The following FARP1 variants were observed in gnomAD, a reference collection of about 807,000 sequenced individuals.
The protein encoded by FARP1 is FERM, ARH/RhoGEF and pleckstrin domain protein 1, also known as FERM, ARHGEF and pleckstrin domain-containing protein 1.
A neutral mutation model predicts 128.8 loss-of-function variants in FARP1; 52 were observed. The ratio of observed to expected loss-of-function variants is 0.40; its 90% confidence interval spans 0.32 to 0.51. The LOEUF (loss-of-function observed/expected upper bound fraction) is 0.51. Ranked by LOEUF, FARP1 falls within the 20% of genes least tolerant of loss-of-function variation. The probability of loss-of-function intolerance (pLI) is 0.45; values close to 1 mark genes in which losing one functional copy is unlikely to be tolerated. For missense variants in FARP1, 1,333 were observed against 1,367.9 expected (o/e 0.97, Z 0.40); for synonymous variants, 580 against 551.8 (o/e 1.05, Z -0.72).
chr13:98,178,803 A>C lies in FARP1; in HGVS notation c.-23-34417A>C, dbSNP rs544679195. 3.3e-5 allele frequency among the ~76,000 whole-genome samples: 5 copies of C among 152,362 alleles called. No homozygotes were observed. In the East Asian group the frequency reaches 9.6e-4, roughly 29 times the overall value. On this transcript the variant is annotated intron_variant, in intron 1 of 26. Coordinates refer to ENST00000319562, the MANE Select transcript of FARP1 (RefSeq NM_005766.4). Reference sequence around the variant, plus strand: ...AATGTGATGAATAAGCTTACAGTGTAAAGAACAATTCATCATTTGTCAGTT... The same window carrying C: ...AATGTGATGAATAAGCTTACAGTGTCAAGAACAATTCATCATTTGTCAGTT...
In FARP1 at chr13:98,409,469, C is replaced by G; in HGVS notation, c.1546C>G (p.Leu516Val). The change falls in exon 14 of 27, where the codon CTG (leucine) becomes GTG (valine). Residue 516 changes from leucine to valine, a missense_variant. Around this residue, in one of 2 missense-constraint regions of FARP1, gnomAD observed 1,009 missense variants for 969.8 expected, o/e 1.04. Transcript: ENST00000319562. ...GCAGGCCTCTCCCTTGATCAGCCCG[C>G]TGCTGAATGACCAGGCCTGCCCCCG... Reference protein sequence around the residue: ...TKQASPLISPLLNDQACPRTD... With the variant: ...TKQASPLISPVLNDQACPRTD... 1.2e-6 allele frequency: 2 copies of G among 1,614,054 alleles called. No homozygotes were observed. The highest frequency in any genetic ancestry group is 1.7e-6 in the Non-Finnish European group (2 of 1,179,996).
At chr13:98,309,266 ACG>A (rs1415495205) in intron 2 of FARP1, among the ~76,000 whole-genome samples, 3 of 132,848 alleles carry the variant, frequency 2.3e-5, no homozygotes, top group African/African-American at 8.7e-5. Context: ...TCCCGGGTTC[ACG>A]CCATTCTCCT....
chr13:98,395,579 G>A (rs1206495338), intron 13 of FARP1, 103 bp downstream of exon 13: 4 of 1,374,534 alleles, frequency 2.9e-6, no homozygotes, highest in Admixed American at 4.7e-5. Context: ...CAAGCGTCCC[G>A]ATCCCGGTCC....
chr13:98,448,040 G>C (rs779588324), intron 26 of FARP1, 196 bp from the exon 27 acceptor site: 61 of 602,312 alleles, frequency 1.0e-4, no homozygotes, highest in Non-Finnish European at 1.8e-4. Flanking sequence ...CACACTGAGT[G>C]AGTGCCCAGG....
chr13:98,440,918 G>C, intron 24 of FARP1, 82 bp downstream of exon 24: 2 of 1,409,140 alleles, frequency 1.4e-6, no homozygotes, highest in Non-Finnish European at 1.9e-6. Flanking sequence ...CCAGGGGCTT[G>C]AGGGAGGCTG....
chr13:98,314,023 C>G (rs1434119488), intron 2 of FARP1, among the ~76,000 whole-genome samples: 1 of 152,224 alleles, frequency 6.6e-6, no homozygotes. Flanking sequence ...CTACAGGTCC[C>G]TCTTGTGTAA....
intron 2 of FARP1, among the ~76,000 whole-genome samples, chr13:98,290,776 A>G (rs1206054452): frequency 6.6e-6 from 1 of 152,140 alleles, no homozygotes; most frequent in African/African-American, 2.4e-5. Context: ...GATCTCCTAA[A>G]GAATTGGGTA....
intron 2 of FARP1, chr13:98,244,508 C>G: frequency 6.2e-7 from 1 of 1,614,156 alleles, no homozygotes; most frequent in Non-Finnish European, 8.5e-7. Context: ...CCTCATCCTC[C>G]TTCCTCAAAG....
chr13:98,206,350 A>G (rs1880266214), intron 1 of FARP1, among the ~76,000 whole-genome samples: 1 of 152,050 alleles, frequency 6.6e-6, no homozygotes, highest in South Asian at 2.1e-4. Flanking sequence ...GCTTGCCTGT[A>G]TGGTTTCTCA....
chr13:98,293,487 C>CA (rs1311589073), intron 2 of FARP1, among the ~76,000 whole-genome samples: 1 of 152,158 alleles, frequency 6.6e-6, no homozygotes, highest in African/African-American at 2.4e-5. Context: ...TCTGAGGTAC[C>CA]AGGCTACATG....
chr13:98,369,629 C>T (rs2139980843), intron 5 of FARP1, among the ~76,000 whole-genome samples: 1 of 151,464 alleles, frequency 6.6e-6, no homozygotes, highest in Admixed American at 6.6e-5. Context: ...GGTTTTTTGT[C>T]CTTGCGATAG....
intron 2 of FARP1, among the ~76,000 whole-genome samples, chr13:98,266,303 T>G (rs572218351): frequency 6.6e-6 from 1 of 152,304 alleles, no homozygotes; most frequent in African/African-American, 2.4e-5. Context: ...CACATTCATT[T>G]TGGTGTCAAA....
chr13:98,261,467 A>C (rs1883877769), intron 2 of FARP1, among the ~76,000 whole-genome samples: 1 of 149,700 alleles, frequency 6.7e-6, no homozygotes, highest in Admixed American at 6.6e-5. Flanking sequence ...ACCAGATCAC[A>C]TTCCTCTCTA....
At chr13:98,179,655 G>A (rs960205029) in intron 1 of FARP1, among the ~76,000 whole-genome samples, 4 of 151,972 alleles carry the variant, frequency 2.6e-5, no homozygotes, top group Non-Finnish European at 5.9e-5. Flanking sequence ...ACGAGGTCAG[G>A]AGATCGAGAC....
rs569262969 is a variant in FARP1, at chr13:98,286,862, T to A, written c.172-56900T>A. On this transcript the variant is annotated intron_variant, in intron 2 of 26. Transcript: ENST00000319562. Reference sequence around the variant, plus strand: ...GGAAGAATAATAACAGAATTTTGGATTGATGGGCTTCAGGGATCCTTGCTG... The same window carrying A: ...GGAAGAATAATAACAGAATTTTGGAATGATGGGCTTCAGGGATCCTTGCTG... Among the ~76,000 whole-genome samples the A allele has an allele frequency of 2.6e-5, 4 of 152,336 alleles. No individual in the cohort carries two copies. In the East Asian group the frequency reaches 7.7e-4, roughly 29 times the overall value.
intron 1 of FARP1, among the ~76,000 whole-genome samples, chr13:98,188,826 A>G (rs1879051320): frequency 6.6e-6 from 1 of 152,206 alleles, no homozygotes; most frequent in African/African-American, 2.4e-5. Context: ...ACGGGGACGC[A>G]TGTCCTGCAC....
In FARP1 at chr13:98,439,216, G is replaced by T; in HGVS notation, c.2433+20G>T. ...ATGACGGTGAGTACAGCACAGGCTCGTGGCCAGGGCCTGTCCTCGGGGGCA... is the reference window on the plus strand; with the variant it reads ...ATGACGGTGAGTACAGCACAGGCTCTTGGCCAGGGCCTGTCCTCGGGGGCA... On this transcript the variant is annotated intron_variant, in intron 21 of 26. Transcript: ENST00000319562. 1 of 1,569,624 alleles carries T rather than the reference G, an allele frequency of 6.4e-7. No homozygotes were observed. The highest frequency in any genetic ancestry group is 2.3e-5 in the East Asian group (1 of 44,424).
intron 2 of FARP1, among the ~76,000 whole-genome samples, chr13:98,314,785 CG>C (rs1345059121): frequency 6.6e-6 from 1 of 152,154 alleles, no homozygotes; most frequent in East Asian, 1.9e-4. Context: ...TGTGGTCCTG[CG>C]GGACGCATTT....
intron 17 of FARP1, among the ~76,000 whole-genome samples, chr13:98,430,353 T>G (rs1005300252): frequency 6.6e-5 from 10 of 152,240 alleles, no homozygotes; most frequent in Non-Finnish European, 1.2e-4. Flanking sequence ...AACTCGGTTT[T>G]TGTGTCCTGG....
Sources: allele counts gnomAD v4.1 joint callset (sites outside exome capture counted in the v4.1 genomes callset), GRCh38; gene constraint gnomAD v4.1.1; regional missense constraint gnomAD v4.1.1; transcripts MANE v1.5; gene names NCBI Gene and HGNC (gene_info 2026-07-23, HGNC 2026-07-21).